TC2N: variants seen among roughly 807,000 people sequenced by gnomAD.
The protein encoded by TC2N is tandem C2 domains nuclear protein.
TC2N carries 51 observed loss-of-function variants against 61.9 expected under a neutral mutation model. That is an observed-to-expected ratio of 0.82 (90% confidence interval 0.66 to 1.04). TC2N has a LOEUF of 1.04. Ranked by LOEUF, TC2N falls within the 50% of genes least tolerant of loss-of-function variation. TC2N has a pLI of 0.00. For synonymous variants in TC2N, 204 were observed against 192.6 expected (o/e 1.06, Z -0.49); for missense variants, 556 against 566.7 (o/e 0.98, Z 0.19).
chr14:91,854,491 A>C (rs1174463076), intron 1 of TC2N, among the ~76,000 whole-genome samples: 3 of 105,972 alleles, frequency 2.8e-5, no homozygotes, highest in Non-Finnish European at 5.7e-5. Flanking sequence ...GGGGAGGTGG[A>C]GAGGAGGAGA....
At chr14:91,819,684 CT>C (rs927407270) in intron 1 of TC2N, among the ~76,000 whole-genome samples, 8 of 151,892 alleles carry the variant, frequency 5.3e-5, no homozygotes, top group African/African-American at 1.9e-4. Context: ...TTTATTAAAG[CT>C]TAGACAAAAA....
chr14:91,832,092 G>A (rs748939192), intron 1 of TC2N, among the ~76,000 whole-genome samples: 9 of 152,142 alleles, frequency 5.9e-5, no homozygotes, highest in Non-Finnish European at 1.0e-4. Context: ...TTCTATTACA[G>A]AAATCCATTT....
chr14:91,831,242 C>T (rs1056451826), intron 1 of TC2N, among the ~76,000 whole-genome samples: 1 of 151,972 alleles, frequency 6.6e-6, no homozygotes, highest in African/African-American at 2.4e-5. Context: ...AATGCAAATC[C>T]TATATTTATT....
rs1886887534 is a variant in TC2N at position 91,813,842 on chromosome 14, A to G, written c.-56-17T>C. On this transcript the variant is annotated splice_polypyrimidine_tract_variant and intron_variant, in intron 1 of 11. Transcript: ENST00000435962. ...AATATTAATCTGTTGGTAGAATAGAAAACAAGTTAACCTGCTTGTCATGCT... is the reference window on the plus strand; with the variant it reads ...AATATTAATCTGTTGGTAGAATAGAGAACAAGTTAACCTGCTTGTCATGCT... The G allele has an allele frequency of 9.5e-7, 1 of 1,052,470 alleles. No individual in the cohort carries two copies. Among genetic ancestry groups the G allele is most frequent in the Non-Finnish European group, 1.5e-6 (1 of 688,550 alleles). The allele number at this position is 1,052,470 out of a possible 1,614,324, so 65.2% of individuals were successfully genotyped here. A position where few individuals can be genotyped will look rare whatever the true frequency, so the allele number is the denominator to read the frequency against.
chr14:91,813,861 T>C (rs1886888621), intron 1 of TC2N, 36 bp from the exon 2 acceptor site: 1 of 812,206 alleles, frequency 1.2e-6, no homozygotes, highest in Admixed American at 2.1e-5. Flanking sequence ...AACCTGCTTG[T>C]CATGCTTAAT....
intron 8 of TC2N, among the ~76,000 whole-genome samples, chr14:91,796,558 T>C (rs1417892966): frequency 5.5e-5 from 7 of 127,122 alleles, no homozygotes; most frequent in South Asian, 2.9e-4. Flanking sequence ...AATACTGACA[T>C]AGGGTGGACC....
chr14:91,864,801 A>G (rs1156739069), intron 1 of TC2N, among the ~76,000 whole-genome samples: 2 of 66,204 alleles, frequency 3.0e-5, no homozygotes, highest in Non-Finnish European at 5.6e-5. Context: ...TTTTTTTTTG[A>G]GACAGACTCT....
At chr14:91,798,914 A>G (rs1661642017) in intron 6 of TC2N, 75 bp downstream of exon 6, 4 of 939,956 alleles carry the variant, frequency 4.3e-6, no homozygotes, top group Non-Finnish European at 6.6e-6. Flanking sequence ...TTTTCACCTT[A>G]TATACACTTT....
chr14:91,844,389 C>T (rs968770762), intron 1 of TC2N, among the ~76,000 whole-genome samples: 4 of 152,150 alleles, frequency 2.6e-5, no homozygotes, highest in East Asian at 3.8e-4. Context: ...GCCAAACAAA[C>T]GCACATGCCC....
At chr14:91,792,108 G>T (rs905215086) in intron 9 of TC2N, among the ~76,000 whole-genome samples, 1 of 150,314 alleles carries the variant, frequency 6.7e-6, no homozygotes, top group African/African-American at 2.4e-5. Context: ...GACAGAGCGA[G>T]ACTCCATCTC....
chr14:91,850,539 G>A (rs573879816), intron 1 of TC2N, among the ~76,000 whole-genome samples: 1 of 152,290 alleles, frequency 6.6e-6, no homozygotes, highest in Non-Finnish European at 1.5e-5. Context: ...CCTGAGCTCT[G>A]CCTCCTGTGA....
intron 1 of TC2N, among the ~76,000 whole-genome samples, chr14:91,825,499 ATC>A (rs1324339177): frequency 6.6e-6 from 1 of 152,110 alleles, no homozygotes; most frequent in African/African-American, 2.4e-5. Flanking sequence ...GTAATGCTAT[ATC>A]TCTCTATCAC....
intron 1 of TC2N, among the ~76,000 whole-genome samples, chr14:91,831,382 A>ATTTTATTACT (rs986648439): frequency 6.6e-6 from 1 of 152,238 alleles, no homozygotes; most frequent in African/African-American, 2.4e-5. Context: ...TAAATAACAC[A>ATTTTATTACT]TTTTATTACT....
rs751206661 is a variant in TC2N at position 91,787,654 on chromosome 14, T to C, written c.1048-27A>G. 3.7e-6 allele frequency: 5 copies of C among 1,343,268 alleles called. No individual in the cohort carries two copies. In the South Asian group the frequency reaches 6.5e-5, roughly 17 times the overall value. The allele number at this position is 1,343,268 out of a possible 1,614,324, so 83.2% of individuals were successfully genotyped here. A position where few individuals can be genotyped will look rare whatever the true frequency, so the allele number is the denominator to read the frequency against. On this transcript the variant is annotated intron_variant, in intron 9 of 11. Coordinates refer to ENST00000435962, the MANE Select transcript of TC2N (RefSeq NM_001128596.3). ...TGCATATCAAAAAAGTGTCATTTGG[T>C]AGTTAAGAATAAAGTTTTTGAAACA...
At chr14:91,848,077 C>T (rs1351804536) in intron 1 of TC2N, among the ~76,000 whole-genome samples, 1 of 152,184 alleles carries the variant, frequency 6.6e-6, no homozygotes, top group Non-Finnish European at 1.5e-5. Context: ...CAGCAAACCT[C>T]TTATCCCTTT....
chr14:91,828,536 T>A (rs983230426), intron 1 of TC2N, among the ~76,000 whole-genome samples: 1 of 152,014 alleles, frequency 6.6e-6, no homozygotes, highest in Non-Finnish European at 1.5e-5. Context: ...AATCTATAAT[T>A]TCCTCATATT....
chr14:91,855,782 C>T (rs537217190), intron 1 of TC2N, among the ~76,000 whole-genome samples: 1 of 152,110 alleles, frequency 6.6e-6, no homozygotes, highest in South Asian at 2.1e-4. Context: ...TGGTGCGGGG[C>T]GAGGGGAGTT....
intron 5 of TC2N, 60 bp from the exon 6 acceptor site, chr14:91,799,124 C>A: frequency 9.5e-7 from 1 of 1,057,562 alleles, no homozygotes; most frequent in Admixed American, 2.4e-5. Flanking sequence ...GATTCTGATA[C>A]ATATGCCTCA....
chr14:91,818,448 T>G (rs1182773429), intron 1 of TC2N, among the ~76,000 whole-genome samples: 16 of 151,634 alleles, frequency 1.1e-4, no homozygotes. Context: ...CCAAAGCAAA[T>G]TTACAGAAAT....
Sources: gnomAD v4.1 joint callset for allele counts (sites outside exome capture counted in the v4.1 genomes callset) on GRCh38, gnomAD v4.1.1 for gene constraint, MANE v1.5 for transcripts, NCBI Gene and HGNC (gene_info 2026-07-23, HGNC 2026-07-21) for gene names.